VSIG4: variants seen among roughly 807,000 people sequenced by gnomAD.
The protein encoded by VSIG4 is V-set and immunoglobulin domain containing 4.
VSIG4 carries 34 observed loss-of-function variants against 23.4 expected under a neutral mutation model. The ratio of observed to expected loss-of-function variants is 1.45; its 90% confidence interval spans 1.10 to 1.93. The LOEUF (loss-of-function observed/expected upper bound fraction) is 1.93, where lower values mean the gene tolerates loss of function less well. Among genes scored for constraint, VSIG4 ranks in the 30% most tolerant of loss-of-function variants. VSIG4 has a pLI of 0.00. For missense variants in VSIG4, 433 were observed against 310.8 expected (o/e 1.39, Z -2.96); for synonymous variants, 169 against 120.3 (o/e 1.41, Z -2.65).
intron 1 of VSIG4, among the ~76,000 whole-genome samples, chrX:66,036,704 A>G (rs2085549100): frequency 1.8e-5 from 1 of 57,136 alleles, no homozygotes; most frequent in Non-Finnish European, 2.9e-5. Context: ...TTAATATATT[A>G]TAATTATATA....
In VSIG4 at chrX:66,022,048, A is replaced by G; in HGVS notation, c.*215T>C. The G allele has an allele frequency of 8.6e-7, 1 of 1,161,114 alleles. No homozygotes were observed. Among genetic ancestry groups the G allele is most frequent in the Non-Finnish European group, 1.2e-6 (1 of 869,296 alleles). Reference sequence around the variant, plus strand: ...GGAGTACCAGAAGCCCCCGGCAGAGATACTAGAAGGGCCCAGAGCCAAATC... The same window carrying G: ...GGAGTACCAGAAGCCCCCGGCAGAGGTACTAGAAGGGCCCAGAGCCAAATC... On this transcript the variant is annotated 3_prime_UTR_variant, in exon 8 of 8. Transcript: ENST00000374737.
chrX:66,032,839 T>C (rs2085482022), intron 2 of VSIG4, 90 bp from the exon 3 acceptor site: 4 of 923,709 alleles, frequency 4.3e-6, no homozygotes, highest in Non-Finnish European at 5.9e-6. Context: ...CGTAAGGGCA[T>C]GCATATATCT....
At position 66,022,459 on chromosome X, in the gene VSIG4, C is replaced by T. The variant is rs371841595; in HGVS notation, c.1004G>A (p.Arg335Lys). The T allele has an allele frequency of 9.1e-6, 11 of 1,210,783 alleles. No individual in the cohort carries two copies. Among genetic ancestry groups the T allele is most frequent in the Non-Finnish European group, 1.1e-5 (10 of 895,367 alleles). ...REANDSGETM[R>K]VAIFASGCSS... ...GCAGCCACTTGCGAAGATGGCCACC[C>T]TCATGGTTTCTCCAGAGTCGTTGGC... The change falls in exon 8 of 8, where the codon AGG (arginine) becomes AAG (lysine). Residue 335 changes from arginine to lysine, a missense_variant. By Grantham distance (26) the Arg-to-Lys change is conservative. Transcript: ENST00000374737.
intron 3 of VSIG4, among the ~76,000 whole-genome samples, chrX:66,031,983 G>C (rs2085469180): frequency 9.0e-6 from 1 of 111,449 alleles, no homozygotes; most frequent in Non-Finnish European, 1.9e-5. Flanking sequence ...GCTTTCAAAG[G>C]GTGCCCAGGA....
rs7878798 is a variant in VSIG4 at position 66,038,427 on chromosome X, G to A, written c.55+1517C>T. ...AATGGAAGGCCTGCTTCCAGGTCTGGAAAAGCTCATAGGCTGGGGAAGGAA... is the reference window on the plus strand; with the variant it reads ...AATGGAAGGCCTGCTTCCAGGTCTGAAAAAGCTCATAGGCTGGGGAAGGAA... On this transcript the variant is annotated intron_variant, in intron 1 of 7. Coordinates refer to ENST00000374737, the MANE Select transcript of VSIG4 (RefSeq NM_007268.3). 1.4e-3 allele frequency among the ~76,000 whole-genome samples: 154 copies of A among 110,227 alleles called. 3 individuals are homozygous for A. Among genetic ancestry groups the A allele is most frequent in the African/African-American group, 5.1e-3 (154 of 30,219 alleles).
In VSIG4 at chrX:66,028,131, C is replaced by T. The variant is rs368059042; in HGVS notation, c.695-19G>A. 5.0e-5 allele frequency: 60 copies of T among 1,190,847 alleles called. No homozygotes were observed. The highest frequency in any genetic ancestry group is 5.3e-5 in the Non-Finnish European group (47 of 878,532). On this transcript the variant is annotated intron_variant, in intron 3 of 7. Transcript: ENST00000374737. ...GAGGAGTCTGCAAGGAAAAGGGAAC[C>T]GATTGAAGGGACCTGGTACCCTTTG...
At chrX:66,026,174 G>A (rs755131193) in intron 5 of VSIG4, among the ~76,000 whole-genome samples, 11 of 111,529 alleles carry the variant, frequency 9.9e-5, no homozygotes, top group Non-Finnish European at 5.6e-5. Context: ...TGCTAGGTCA[G>A]GGGGGATAGA....
chrX:66,022,350 G>A lies in VSIG4; in HGVS notation c.1113C>T (p.Ala371=). The A allele has an allele frequency of 8.2e-7, 1 of 1,212,134 alleles. No homozygotes were observed. The change falls in exon 8 of 8, where the codon GCC becomes GCT. Residue 371 remains alanine, a synonymous_variant. Transcript: ENST00000374737. The part of the protein sequence containing the change: ...PCIGQEYQII[A]QINGNYARLL... ...GGCGGGCGTAGTTGCCATTGATCTG[G>A]GCGATGATCTGGTACTCCTGTCCTA...
intron 3 of VSIG4, among the ~76,000 whole-genome samples, chrX:66,028,517 T>A (rs1220390715): frequency 9.2e-6 from 1 of 108,707 alleles, no homozygotes. Flanking sequence ...ATTTACCCTT[T>A]AACAACATCA....
At chrX:66,028,023 A>T (rs772231744) in intron 4 of VSIG4, 27 bp downstream of exon 4, 20 of 1,191,678 alleles carry the variant, frequency 1.7e-5, no homozygotes, top group Non-Finnish European at 2.0e-5. Flanking sequence ...AACCTCTACT[A>T]CTTCCTCAGA....
At position 66,032,739 on chromosome X, in the gene VSIG4, G is replaced by A. The variant is rs759365286; in HGVS notation, c.423C>T (p.Ser141=). ...CGCTGCCAGTTGTCACTGTGGGCTT[G>A]GAGACAGAGACTGCAAAGAAAAGAC... is the stretch of plus-strand genomic sequence containing the variant. ...TELRVQKLSV[S]KPTVTTGSGY... Residue 141 remains serine, a synonymous_variant, in exon 3 of 8, where the codon TCC becomes TCT. Coordinates refer to ENST00000374737, the MANE Select transcript of VSIG4 (RefSeq NM_007268.3). The A allele has an allele frequency of 8.3e-6, 10 of 1,208,338 alleles. No homozygotes were observed. The East Asian group carries it at 3.0e-4, about 36-fold the overall frequency.
At chrX:66,032,128 C>G (rs1024462901) in intron 3 of VSIG4, among the ~76,000 whole-genome samples, 1 of 111,722 alleles carries the variant, frequency 9.0e-6, no homozygotes, top group East Asian at 2.8e-4. Context: ...TCTGTTTCCT[C>G]TTCTGTAAAG....
At chrX:66,030,771 T>A (rs901988417) in intron 3 of VSIG4, among the ~76,000 whole-genome samples, 2 of 111,060 alleles carry the variant, frequency 1.8e-5, no homozygotes, top group Non-Finnish European at 3.8e-5. Context: ...CGGCATGGGG[T>A]CAGGCAGTAC....
In VSIG4 at chrX:66,032,701, G is replaced by A. The variant is rs761251839; in HGVS notation, c.461C>T (p.Thr154Met). Residue 154 changes from threonine (T) to methionine (M), a missense_variant, in exon 3 of 8, where the codon ACG becomes ATG. Physicochemically the swap from Thr to Met is moderately conservative, Grantham distance 81. Transcript: ENST00000374737. ...TVTTGSGYGF[T>M]VPQGMRISLQ... ...GCTAATCCTCATTCCCTGGGGCACC[G>A]TGAAGCCATAACCGCTGCCAGTTGT... The A allele has an allele frequency of 5.8e-6, 7 of 1,209,496 alleles. No homozygotes were observed. Among genetic ancestry groups the A allele is most frequent in the East Asian group, 5.9e-5 (2 of 33,732 alleles).
chrX:66,033,473 C>A lies in VSIG4; in HGVS notation c.412+1G>T, dbSNP rs996894190. 1.7e-6 allele frequency: 2 copies of A among 1,195,773 alleles called. No individual in the cohort carries two copies. Among genetic ancestry groups the A allele is most frequent in the Non-Finnish European group, 2.3e-6 (2 of 885,160 alleles). Reference sequence around the variant, plus strand: ...GCTTTCCTACCCCCATAGTGACTCACGTTTCTGGACACGGAGCTCAGTAAT... The same window carrying A: ...GCTTTCCTACCCCCATAGTGACTCAAGTTTCTGGACACGGAGCTCAGTAAT... On this transcript the variant is annotated splice_donor_variant, in intron 2 of 7. Coordinates refer to ENST00000374737, the MANE Select transcript of VSIG4 (RefSeq NM_007268.3). LOFTEE classifies it high-confidence loss of function.
chrX:66,038,207 C>A lies in VSIG4; in HGVS notation c.55+1737G>T, dbSNP rs2085641673. On this transcript the variant is annotated intron_variant, in intron 1 of 7. Transcript: ENST00000374737. The stretch of plus-strand genomic sequence containing the variant: ...GGAAGAGGCTAGCAGCTTACTCTGG[C>A]CGCTACAGGGTTTTTAGCAGTGAAG... Among the ~76,000 whole-genome samples, 3 of 111,698 alleles carry A rather than the reference C, an allele frequency of 2.7e-5. No homozygotes were observed. In the South Asian group the frequency reaches 1.1e-3, roughly 42 times the overall value.
At chrX:66,023,146 G>C (rs1244674697) in intron 6 of VSIG4, among the ~76,000 whole-genome samples, 1 of 110,601 alleles carries the variant, frequency 9.0e-6, no homozygotes, top group South Asian at 3.9e-4. Flanking sequence ...GGTTGGGGGA[G>C]GGCACTAGAA....
intron 6 of VSIG4, 144 bp from the exon 7 acceptor site, chrX:66,023,006 G>A (rs1224545750): frequency 4.9e-6 from 3 of 613,564 alleles, no homozygotes; most frequent in South Asian, 3.3e-5. Flanking sequence ...ACAACTGGGA[G>A]GTATTGGGGA....
Position 66,022,233 on chromosome X carries a change from G to A in VSIG4, c.*30C>T. ...AGGCAAGGACTGACTAGGCAATTAT[G>A]TCAGCAGATCCTGGCCTAATGGGGC... is the stretch of plus-strand genomic sequence containing the variant. On this transcript the variant is annotated 3_prime_UTR_variant, in exon 8 of 8. Transcript: ENST00000374737. The A allele has an allele frequency of 8.3e-7, 1 of 1,212,049 alleles. No homozygotes were observed. Among genetic ancestry groups the A allele is most frequent in the Non-Finnish European group, 1.1e-6 (1 of 895,539 alleles).
Sources: gnomAD v4.1 joint callset for allele counts (sites outside exome capture counted in the v4.1 genomes callset) on GRCh38, gnomAD v4.1.1 for gene constraint, MANE v1.5 for transcripts, NCBI Gene and HGNC (gene_info 2026-07-23, HGNC 2026-07-21) for gene names.